NMI: variants seen among roughly 807,000 people sequenced by gnomAD.
NMI encodes the protein N-myc-interactor.
Under a neutral mutation model 34.3 loss-of-function variants are expected in NMI, and 39 were observed. The observed-to-expected ratio is 1.14, with a 90% confidence interval of 0.88 to 1.49. The LOEUF (loss-of-function observed/expected upper bound fraction) is 1.49. NMI is among the 40% of genes most tolerant of loss of function. The pLI is 0.00. For synonymous variants in NMI, 113 were observed against 120.3 expected, an observed-to-expected ratio of 0.94 and a Z score of 0.40; for missense variants, 339 against 358.1, an observed-to-expected ratio of 0.95 and a Z score of 0.43.
At chr2:151,274,478 C>CTT (rs754607240) in intron 6 of NMI, among the ~76,000 whole-genome samples, 2 of 125,670 alleles carry the variant, frequency 1.6e-5, no homozygotes, top group African/African-American at 3.5e-5. Context: ...GGAAATGTCT[C>CTT]TTTTTGTTTT....
intron 6 of NMI, among the ~76,000 whole-genome samples, chr2:151,274,799 G>A (rs1397864439): frequency 6.6e-6 from 1 of 151,382 alleles, no homozygotes; most frequent in African/African-American, 2.4e-5. Flanking sequence ...TTTACTAAAT[G>A]TTTGCTCTTC....
In NMI at chr2:151,271,630, T is replaced by C; in HGVS notation, c.737A>G (p.Tyr246Cys). The change falls in exon 7 of 8, where the codon TAT becomes TGT. Residue 246 changes from tyrosine (Y) to cysteine (C), a missense_variant. Physicochemically the swap from Tyr to Cys is radical, Grantham distance 194. Transcript: ENST00000243346. ...SPYTEIHLKK[Y>C]QIFSGTSKRT... ...AGAGAACAGAGATGACTTTACCTGATACTTTTTCAAGTGTATTTCTGTGTA... is the reference window on the plus strand; with the variant it reads ...AGAGAACAGAGATGACTTTACCTGACACTTTTTCAAGTGTATTTCTGTGTA... 2 of 1,472,416 alleles carry C rather than the reference T, an allele frequency of 1.4e-6. No individual in the cohort carries two copies. The highest frequency in any genetic ancestry group is 1.9e-6 in the Non-Finnish European group (2 of 1,053,646). The allele number at this position is 1,472,416 out of a possible 1,614,324, so 91.2% of individuals were successfully genotyped here. A position where few individuals can be genotyped will look rare whatever the true frequency, so the allele number is the denominator to read the frequency against.
chr2:151,278,803 T>C, intron 4 of NMI, 25 bp downstream of exon 4: 1 of 1,578,780 alleles, frequency 6.3e-7, no homozygotes, highest in Non-Finnish European at 8.7e-7. Context: ...AATAACATGG[T>C]CATATTTTTT....
At chr2:151,281,377 T>G (rs1188824317) in intron 3 of NMI, among the ~76,000 whole-genome samples, 2 of 152,190 alleles carry the variant, frequency 1.3e-5, no homozygotes, top group Non-Finnish European at 2.9e-5. Flanking sequence ...AATGACCATC[T>G]TTTTTTGGTA....
chr2:151,275,702 A>T, intron 5 of NMI, 32 bp from the exon 6 acceptor site: 1 of 1,610,774 alleles, frequency 6.2e-7, no homozygotes. Context: ...AGAAATATGG[A>T]TGAGAGAAGT....
chr2:151,285,590 A>G (rs200124390), intron 1 of NMI, among the ~76,000 whole-genome samples: 1,083 of 91,456 alleles, frequency 0.012, 16 homozygotes, highest in East Asian at 0.068. Flanking sequence ...TCCATCTCAG[A>G]AAAAAAAAAA....
rs1319302141 is a variant in NMI, at chr2:151,275,768, A to G, written c.437T>C (p.Val146Ala). 6.2e-7 allele frequency: 1 copy of G among 1,612,556 alleles called. No individual in the cohort carries two copies. Among genetic ancestry groups the G allele is most frequent in the African/African-American group, 1.3e-5 (1 of 74,778 alleles). The stretch of plus-strand genomic sequence containing the variant: ...TAATCATCCTGTTACCTGGAATCTG[A>G]CTCCTGAATTTAATGGAACTGGCTT... Reference protein sequence around the residue: ...TAKPVPLNSGVRFQVYVEVSK... With the variant: ...TAKPVPLNSGARFQVYVEVSK... The change falls in exon 5 of 8, where the codon GTC becomes GCC. Residue 146 changes from valine to alanine, a missense_variant. By Grantham distance (64) the Val-to-Ala change is moderately conservative. Transcript: ENST00000243346.
At chr2:151,280,545 T>G (rs1683378749) in intron 3 of NMI, among the ~76,000 whole-genome samples, 1 of 152,206 alleles carries the variant, frequency 6.6e-6, no homozygotes, top group South Asian at 2.1e-4. Context: ...AGCAAGGGCT[T>G]TCTGAAATTA....
chr2:151,285,093 A>G (rs1350998875), intron 1 of NMI, among the ~76,000 whole-genome samples: 1 of 152,210 alleles, frequency 6.6e-6, no homozygotes, highest in Admixed American at 6.5e-5. Context: ...AGTAAAAAGC[A>G]CTAAAACACA....
chr2:151,273,605 C>A (rs1683225636), intron 6 of NMI, among the ~76,000 whole-genome samples: 1 of 152,206 alleles, frequency 6.6e-6, no homozygotes, highest in Admixed American at 6.5e-5. Flanking sequence ...TCCCTGCAAC[C>A]TCCACCCCCC....
At chr2:151,282,120 A>G in intron 2 of NMI, 77 bp from the exon 3 acceptor site, 1 of 675,616 alleles carries the variant, frequency 1.5e-6, no homozygotes, top group East Asian at 2.7e-5. Context: ...AAGACTATAA[A>G]TTTCTCTCAT....
In NMI at chr2:151,275,745, A is replaced by T. The variant is rs780759320; in HGVS notation, c.447+13T>A. On this transcript the variant is annotated intron_variant, in intron 5 of 7. Transcript: ENST00000243346. ...ATGAACAGAAATCCAAAAAATTTTA[A>T]TCATCCTGTTACCTGGAATCTGACT... 1.9e-6 allele frequency: 3 copies of T among 1,610,802 alleles called. No homozygotes were observed. Among genetic ancestry groups the T allele is most frequent in the Non-Finnish European group, 2.5e-6 (3 of 1,177,290 alleles).
chr2:151,274,839 T>G (rs947501903), intron 6 of NMI, among the ~76,000 whole-genome samples: 1 of 152,034 alleles, frequency 6.6e-6, no homozygotes, highest in Non-Finnish European at 1.5e-5. Flanking sequence ...TAAAAAAGCA[T>G]GTATTACTTT....
At chr2:151,271,596 C>A in intron 7 of NMI, 30 bp downstream of exon 7, 2 of 1,177,068 alleles carry the variant, frequency 1.7e-6, no homozygotes, top group South Asian at 2.5e-5. Flanking sequence ...GCAGTGAGTT[C>A]TGAAAATGAG....
Position 151,270,690 on chromosome 2 carries a change from A to G in NMI, c.*3T>C. The G allele has an allele frequency of 1.2e-6, 2 of 1,606,650 alleles. No homozygotes were observed. The highest frequency in any genetic ancestry group is 1.7e-6 in the Non-Finnish European group (2 of 1,175,406). ...AGCTATAGTTTTCATGATTCTGTTA[A>G]GTCTATTCTTCAAAGTATGCTATGT... is the stretch of plus-strand genomic sequence containing the variant. On this transcript the variant is annotated 3_prime_UTR_variant, in exon 8 of 8. Coordinates refer to ENST00000243346, the MANE Select transcript of NMI (RefSeq NM_004688.3).
chr2:151,289,402 TG>T (rs1207219260), intron 1 of NMI, among the ~76,000 whole-genome samples, 190 bp downstream of exon 1: 3 of 151,886 alleles, frequency 2.0e-5, no homozygotes, highest in African/African-American at 7.3e-5. Flanking sequence ...CAGGAGCAGG[TG>T]CGCCCCCTCG....
intron 1 of NMI, among the ~76,000 whole-genome samples, chr2:151,285,644 C>T (rs1299413045): frequency 6.7e-6 from 1 of 148,614 alleles, no homozygotes; most frequent in Non-Finnish European, 1.5e-5. Flanking sequence ...TATACAAATA[C>T]ATATATACCC....
At position 151,270,833 on chromosome 2, in the gene NMI, T is replaced by G. The variant is rs765600121; in HGVS notation, c.784A>C (p.Met262Leu). The G allele has an allele frequency of 3.1e-6, 5 of 1,613,906 alleles. No homozygotes were observed. Among genetic ancestry groups the G allele is most frequent in the Non-Finnish European group, 4.2e-6 (5 of 1,179,830 alleles). The change falls in exon 8 of 8, where the codon ATG becomes CTG. Residue 262 changes from methionine to leucine, a missense_variant. Physicochemically the swap from Met to Leu is conservative, Grantham distance 15. Transcript: ENST00000243346. Reference sequence around the variant, plus strand: ...TCTTCATCCATTTGAATGCCTTCCATTCCTGTCAGAAGCACTGTCCTCTTA... The same window carrying G: ...TCTTCATCCATTTGAATGCCTTCCAGTCCTGTCAGAAGCACTGTCCTCTTA... ...TSKRTVLLTG[M>L]EGIQMDEEIV...
At chr2:151,277,261 T>C (rs1573744048) in intron 4 of NMI, 1 of 152,230 alleles carries the variant, frequency 6.6e-6, no homozygotes, top group East Asian at 1.9e-4. Flanking sequence ...TTTTGTGTTT[T>C]TGTGTTTTTT....
Sources: gnomAD v4.1 joint callset for allele counts (sites outside exome capture counted in the v4.1 genomes callset) on GRCh38, gnomAD v4.1.1 for gene constraint, MANE v1.5 for transcripts, NCBI Gene and HGNC (gene_info 2026-07-23, HGNC 2026-07-21) for gene names.